CHIT1: variants seen among roughly 807,000 people sequenced by gnomAD.
CHIT1 encodes chitinase 1, also known as chitotriosidase-1.
A neutral mutation model predicts 52.0 loss-of-function variants in CHIT1; 47 were observed. The observed-to-expected ratio is 0.90, with a 90% confidence interval of 0.71 to 1.15. The LOEUF (loss-of-function observed/expected upper bound fraction) is 1.15. Ranked by LOEUF, CHIT1 falls within the 50% of genes most tolerant of loss-of-function variation. CHIT1 has a pLI of 0.00. For synonymous variants in CHIT1, 242 were observed against 228.2 expected (o/e 1.06, Z -0.54); for missense variants, 569 against 583.0 (o/e 0.98, Z 0.25).
At chr1:203,228,066 C>T (rs552235645) in intron 2 of CHIT1, among the ~76,000 whole-genome samples, 97 of 152,316 alleles carry the variant, frequency 6.4e-4, no homozygotes, top group African/African-American at 2.2e-3. Context: ...CTGATCAGTT[C>T]AACAGACCAG....
intron 7 of CHIT1, among the ~76,000 whole-genome samples, chr1:203,221,666 T>G (rs535713467): frequency 6.6e-6 from 1 of 152,146 alleles, no homozygotes. Context: ...AGTGTCTTGA[T>G]TGCTCAATGA....
Position 203,216,394 on chromosome 1 carries a change from T to C in CHIT1, c.*495A>G, listed in dbSNP as rs1203892078. On this transcript the variant is annotated 3_prime_UTR_variant, in exon 11 of 11. Coordinates refer to ENST00000367229, the MANE Select transcript of CHIT1 (RefSeq NM_003465.3). ...TCTTCTCTGCTGCCATCTAGTGGCATTTTGGGAATAACACGTGCGTGAAGG... is the reference window on the plus strand; with the variant it reads ...TCTTCTCTGCTGCCATCTAGTGGCACTTTGGGAATAACACGTGCGTGAAGG... 1.5e-5 allele frequency: 7 copies of C among 454,046 alleles called. No individual in the cohort carries two copies. The highest frequency in any genetic ancestry group is 9.3e-5 in the South Asian group (6 of 64,474). 28.1% of individuals were successfully genotyped at this position (454,046 alleles called of 1,614,324 possible). A position where few individuals can be genotyped will look rare whatever the true frequency, so the allele number is the denominator to read the frequency against.
rs1274667333 is a variant in CHIT1 at position 203,216,878 on chromosome 1, G to A, written c.*11C>T. 3 of 1,613,880 alleles carry A rather than the reference G, an allele frequency of 1.9e-6. No individual in the cohort carries two copies. Among genetic ancestry groups the A allele is most frequent in the Non-Finnish European group, 1.7e-6 (2 of 1,180,020 alleles). Reference sequence around the variant, plus strand: ...CAGCCTCAAAGCTGGGACTGGAGGGGCTTTAGCGACTCAATTCCAGGTGCA... The same window carrying A: ...CAGCCTCAAAGCTGGGACTGGAGGGACTTTAGCGACTCAATTCCAGGTGCA... On this transcript the variant is annotated 3_prime_UTR_variant, in exon 11 of 11. Transcript: ENST00000367229.
intron 4 of CHIT1, 118 bp from the exon 5 acceptor site, chr1:203,223,778 G>T: frequency 9.6e-7 from 1 of 1,043,258 alleles, no homozygotes; most frequent in South Asian, 1.3e-5. Context: ...GGCTAGGAGG[G>T]GCACTGGGAG....
In CHIT1 at chr1:203,216,805, G is replaced by T. The variant is rs563812214; in HGVS notation, c.*84C>A. On this transcript the variant is annotated 3_prime_UTR_variant, in exon 11 of 11. Transcript: ENST00000367229. ...GAAAGGCCTGCAGGAGCCAGATTGC[G>T]GCCCCCAGGGAAAACCCAGGAGGCA... 1.5e-5 allele frequency: 24 copies of T among 1,574,584 alleles called. No individual in the cohort carries two copies. In the East Asian group the frequency reaches 2.0e-4, roughly 13 times the overall value.
chr1:203,221,693 C>T (rs1293527794), intron 7 of CHIT1, among the ~76,000 whole-genome samples: 1 of 151,992 alleles, frequency 6.6e-6, no homozygotes, highest in Admixed American at 6.6e-5. Flanking sequence ...GTTAGGAAAC[C>T]CCAACCTACC....
At chr1:203,226,513 T>C (rs1481431054) in intron 2 of CHIT1, among the ~76,000 whole-genome samples, 4 of 152,234 alleles carry the variant, frequency 2.6e-5, no homozygotes, top group Non-Finnish European at 5.9e-5. Flanking sequence ...GTTACAGGCC[T>C]GGGTTTATGT....
At chr1:203,230,012 C>T, upstream of CHIT1, 1 of 321,204 alleles carries the variant, frequency 3.1e-6, no homozygotes, top group Non-Finnish European at 6.0e-6. Flanking sequence ...AGAAATGACT[C>T]ACGAGTCAGG....
rs200780921 is a variant in CHIT1 at position 203,229,601 on chromosome 1, C to T, written c.25+11G>A. ...AGCTCCCGAGACCCAGCCCACTATC[C>T]GACGGCTCACCTGCCCAGGCCACAG... On this transcript the variant is annotated intron_variant, in intron 1 of 10. Transcript: ENST00000367229. 22 of 1,613,990 alleles carry T rather than the reference C, an allele frequency of 1.4e-5. No individual in the cohort carries two copies. In the East Asian group the frequency reaches 1.6e-4, roughly 11 times the overall value.
intron 2 of CHIT1, among the ~76,000 whole-genome samples, chr1:203,227,944 A>G (rs2102245424): frequency 6.6e-6 from 1 of 152,224 alleles, no homozygotes; most frequent in South Asian, 2.1e-4. Context: ...ATGCCCAGGG[A>G]ATGGGGTGGG....
chr1:203,218,297 C>T (rs1285177668), intron 9 of CHIT1, among the ~76,000 whole-genome samples: 2 of 152,208 alleles, frequency 1.3e-5, no homozygotes, highest in African/African-American at 2.4e-5. Flanking sequence ...GCTTGCTTCT[C>T]TGTCTTCATG....
At position 203,217,005 on chromosome 1, in the gene CHIT1, G is replaced by T. The variant is rs1215662185; in HGVS notation, c.1285C>A (p.Pro429Thr). The T allele has an allele frequency of 3.1e-6, 5 of 1,614,240 alleles. No homozygotes were observed. Among genetic ancestry groups the T allele is most frequent in the Non-Finnish European group, 4.2e-6 (5 of 1,180,050 alleles). The part of the protein sequence containing the change: ...FCQGKADGLY[P>T]NPRERSSFYS... ...AAGCTGGACCGTTCCCGAGGATTGG[G>T]ATAGAGCCCATCAGCTTTGCCCTGG... is the stretch of plus-strand genomic sequence containing the variant. The change falls in exon 11 of 11, where the codon CCC (proline) becomes ACC (threonine). Residue 429 changes from proline to threonine, a missense_variant. Transcript: ENST00000367229.
chr1:203,217,228 C>T (rs1571841709), intron 10 of CHIT1, 95 bp from the exon 11 acceptor site: 2 of 1,593,142 alleles, frequency 1.3e-6, no homozygotes, highest in African/African-American at 2.7e-5. Flanking sequence ...CTGGCAGCAG[C>T]CCAGCACCAC....
intron 6 of CHIT1, 53 bp from the exon 7 acceptor site, chr1:203,222,378 G>T: frequency 6.2e-7 from 1 of 1,613,268 alleles, no homozygotes. Context: ...GGGTGGGGTA[G>T]CCCTTCTTTC....
At chr1:203,229,761 G>A (rs371679790), upstream of CHIT1, 731 of 998,134 alleles carry the variant, frequency 7.3e-4, 12 homozygotes, top group African/African-American at 0.01. Flanking sequence ...GGGTGGGGGG[G>A]ATGGGAGCAG....
At chr1:203,224,966 T>C in intron 4 of CHIT1, 82 bp downstream of exon 4, 3 of 1,293,314 alleles carry the variant, frequency 2.3e-6, no homozygotes, top group Non-Finnish European at 3.4e-6. Flanking sequence ...CTGGCCTGAT[T>C]CCCTGACCAG....
intron 2 of CHIT1, among the ~76,000 whole-genome samples, chr1:203,226,971 G>T (rs1233409177): frequency 6.6e-6 from 1 of 152,184 alleles, no homozygotes; most frequent in Non-Finnish European, 1.5e-5. Context: ...TTTATGCCAA[G>T]ATCTTGATGG....
At chr1:203,223,358 G>A in intron 5 of CHIT1, 99 bp from the exon 6 acceptor site, 1 of 1,605,880 alleles carries the variant, frequency 6.2e-7, no homozygotes. Context: ...TCTGAGAGCT[G>A]GCCACAGGGC....
At chr1:203,223,056 A>C in intron 6 of CHIT1, 79 bp downstream of exon 6, 13 of 1,573,854 alleles carry the variant, frequency 8.3e-6, no homozygotes, top group Non-Finnish European at 1.1e-5. Context: ...CACCTGCTCT[A>C]CCCATGGGAA....
Sources: gnomAD v4.1 joint callset for allele counts (sites outside exome capture counted in the v4.1 genomes callset) on GRCh38, gnomAD v4.1.1 for gene constraint, MANE v1.5 for transcripts, NCBI Gene and HGNC (gene_info 2026-07-23, HGNC 2026-07-21) for gene names.